The following GATAD2A variants were observed in gnomAD, a reference collection of about 807,000 sequenced individuals.
GATAD2A encodes GATA zinc finger domain containing 2A, also known as transcriptional repressor p66-alpha.
A neutral mutation model predicts 68.5 loss-of-function variants in GATAD2A; 12 were observed. That is an observed-to-expected ratio of 0.18 (90% CI 0.11 to 0.28). GATAD2A has a LOEUF of 0.28. Ranked by LOEUF, GATAD2A falls within the 10% of genes least tolerant of loss-of-function variation. GATAD2A has a pLI of 1.00. For synonymous variants in GATAD2A, 410 were observed against 375.3 expected (o/e 1.09, Z -1.07); for missense variants, 755 against 868.5 (o/e 0.87, Z 1.64).
At chr19:19,390,482 A>G (rs1054391392) in intron 1 of GATAD2A, among the ~76,000 whole-genome samples, 1 of 151,654 alleles carries the variant, frequency 6.6e-6, no homozygotes, top group Non-Finnish European at 1.5e-5. Context: ...TGGAAAACCC[A>G]CTCCCCTACT....
intron 1 of GATAD2A, among the ~76,000 whole-genome samples, chr19:19,424,385 A>G (rs995735638): frequency 6.6e-6 from 1 of 152,126 alleles, no homozygotes; most frequent in Non-Finnish European, 1.5e-5. Flanking sequence ...ATGAGCCAGC[A>G]TGCCCAGCTA....
At chr19:19,438,804 G>A (rs1419373369) in intron 1 of GATAD2A, among the ~76,000 whole-genome samples, 2 of 152,234 alleles carry the variant, frequency 1.3e-5, no homozygotes, top group Non-Finnish European at 2.9e-5. Flanking sequence ...CGTGGCACAT[G>A]ATACTTAGTG....
Position 19,424,020 on chromosome 19 carries a change from C to T in GATAD2A, c.-7+18001C>T, listed in dbSNP as rs139825990. Among the ~76,000 whole-genome samples, 530 of 152,240 alleles carry T rather than the reference C, an allele frequency of 3.5e-3. 3 individuals carry two copies. Among genetic ancestry groups the T allele is most frequent in the Non-Finnish European group, 4.0e-3 (269 of 67,996 alleles). ...TCACTGTAACATTTAAACTCCAGGG[C>T]TCAAGTGATCCTTCCACCTCAGCCT... is the stretch of plus-strand genomic sequence containing the variant. On this transcript the variant is annotated intron_variant, in intron 1 of 11. Transcript: ENST00000683918.
chr19:19,498,390 C>T (rs1366641348), intron 7 of GATAD2A, 53 bp from the exon 8 acceptor site: 4 of 1,546,990 alleles, frequency 2.6e-6, no homozygotes, highest in Non-Finnish European at 3.5e-6. Context: ...GCTGGGGAGC[C>T]TTCCTCTGGG....
intron 4 of GATAD2A, among the ~76,000 whole-genome samples, chr19:19,493,200 A>G (rs144083964): frequency 0.011 from 1,679 of 152,280 alleles, 36 homozygotes; most frequent in African/African-American, 0.038. Context: ...GGGCCTCCCA[A>G]AGTGCTGGGA....
chr19:19,466,244 C>G (rs571329379), intron 2 of GATAD2A, among the ~76,000 whole-genome samples: 1 of 152,244 alleles, frequency 6.6e-6, no homozygotes, highest in Non-Finnish European at 1.5e-5. Context: ...ACCCAATCTA[C>G]CACCTATTTC....
At chr19:19,480,445 C>T (rs1289803512) in intron 2 of GATAD2A, among the ~76,000 whole-genome samples, 1 of 152,200 alleles carries the variant, frequency 6.6e-6, no homozygotes, top group Non-Finnish European at 1.5e-5. Context: ...CGTACTTTAT[C>T]ACTGGTACCA....
chr19:19,410,333 A>AGGGGGGGGGGGAG (rs2050770250), intron 1 of GATAD2A, among the ~76,000 whole-genome samples: 1 of 6,078 alleles, frequency 1.6e-4, no homozygotes, highest in Non-Finnish European at 3.1e-4. Context: ...TTCTTGGGGC[A>AGGGGGGGGGGGAG]GGGGGTGGGG....
intron 2 of GATAD2A, among the ~76,000 whole-genome samples, chr19:19,474,476 C>T (rs376930555): frequency 3.9e-5 from 6 of 152,332 alleles, no homozygotes; most frequent in African/African-American, 1.4e-4. Flanking sequence ...TCCAGGGATG[C>T]ACTCACAGAG....
intron 1 of GATAD2A, among the ~76,000 whole-genome samples, chr19:19,431,403 AT>A (rs1364734930): frequency 6.6e-6 from 1 of 151,212 alleles, no homozygotes; most frequent in Admixed American, 6.6e-5. Context: ...TTCAATAAAT[AT>A]TTATTAAGCG....
intron 2 of GATAD2A, among the ~76,000 whole-genome samples, chr19:19,483,170 G>A (rs1338640876): frequency 1.3e-5 from 2 of 152,198 alleles, no homozygotes; most frequent in Non-Finnish European, 2.9e-5. Flanking sequence ...GCTCCCTTCT[G>A]TACTGGGGAA....
chr19:19,432,507 G>T (rs1188249177), intron 1 of GATAD2A, among the ~76,000 whole-genome samples: 1 of 152,154 alleles, frequency 6.6e-6, no homozygotes, highest in Non-Finnish European at 1.5e-5. Context: ...CGCCATGTTG[G>T]CCAGGATGGT....
At chr19:19,423,147 C>T (rs1447425150) in intron 1 of GATAD2A, among the ~76,000 whole-genome samples, 4 of 152,274 alleles carry the variant, frequency 2.6e-5, no homozygotes, top group African/African-American at 9.6e-5. Flanking sequence ...GCTGGGATTG[C>T]AGGTGCGCAC....
chr19:19,437,340 A>G (rs1377309973), intron 1 of GATAD2A, among the ~76,000 whole-genome samples: 2 of 152,136 alleles, frequency 1.3e-5, no homozygotes, highest in Non-Finnish European at 2.9e-5. Flanking sequence ...GTGTTGCCCA[A>G]GCTGGTCTTG....
At chr19:19,458,186 G>C (rs2057111309) in intron 1 of GATAD2A, among the ~76,000 whole-genome samples, 1 of 152,178 alleles carries the variant, frequency 6.6e-6, no homozygotes, top group African/African-American at 2.4e-5. Context: ...TTCTCCTTTT[G>C]AGAAAGCCTG....
intron 1 of GATAD2A, among the ~76,000 whole-genome samples, chr19:19,454,213 C>G (rs2056698561): frequency 6.7e-6 from 1 of 149,982 alleles, no homozygotes; most frequent in Non-Finnish European, 1.5e-5. Flanking sequence ...GTCAGCTGGT[C>G]TTGAACTCCC....
chr19:19,493,281 G>C (rs1389540159), intron 4 of GATAD2A, among the ~76,000 whole-genome samples: 2 of 152,244 alleles, frequency 1.3e-5, no homozygotes, highest in African/African-American at 4.8e-5. Context: ...GTGGAGCACA[G>C]ATGTCTGGTG....
At chr19:19,427,588 T>C (rs932262546) in intron 1 of GATAD2A, 1 of 152,318 alleles carries the variant, frequency 6.6e-6, no homozygotes, top group African/African-American at 2.4e-5. Flanking sequence ...CTGCAATCTT[T>C]AGGGGATTTA....
chr19:19,460,026 T>G (rs1261127477), intron 1 of GATAD2A, among the ~76,000 whole-genome samples: 1 of 152,194 alleles, frequency 6.6e-6, no homozygotes, highest in Non-Finnish European at 1.5e-5. Context: ...TCTGAGCAGA[T>G]GGAGGTGTCT....
Sources: gnomAD v4.1 joint callset for allele counts (sites outside exome capture counted in the v4.1 genomes callset) on GRCh38, gnomAD v4.1.1 for gene constraint, MANE v1.5 for transcripts, NCBI Gene and HGNC (gene_info 2026-07-23, HGNC 2026-07-21) for gene names.